Variants in SAMMSON observed in about 807,000 individuals in gnomAD.
SAMMSON encodes long intergenic non-protein coding RNA 1212.
intron 4 of SAMMSON, among the ~76,000 whole-genome samples, chr3:70,175,675 A>G (rs528609246): frequency 6.6e-6 from 1 of 152,280 alleles, no homozygotes; most frequent in East Asian, 1.9e-4. Context: ...CAGTTGCTCT[A>G]CAATCTCCTC....
At chr3:70,327,177 T>A (rs139253416) in intron 7 of SAMMSON, among the ~76,000 whole-genome samples, 2 of 152,292 alleles carry the variant, frequency 1.3e-5, no homozygotes, top group African/African-American at 4.8e-5. Flanking sequence ...TAATAATTAA[T>A]ACTAATATTC....
At chr3:70,335,697 T>C (rs73106671) in intron 7 of SAMMSON, among the ~76,000 whole-genome samples, 20,946 of 151,930 alleles carry the variant, frequency 0.14, 1,538 homozygotes, top group South Asian at 0.18. Context: ...CATATCATGC[T>C]TGCGAAGTAT....
intron 4 of SAMMSON, among the ~76,000 whole-genome samples, chr3:70,232,209 A>T (rs1438478579): frequency 6.6e-6 from 1 of 152,186 alleles, no homozygotes; most frequent in Non-Finnish European, 1.5e-5. Flanking sequence ...GAGGGTGTGC[A>T]CCATGTGAAA....
chr3:70,080,351 G>A (rs2067263548), intron 4 of SAMMSON, among the ~76,000 whole-genome samples: 1 of 152,174 alleles, frequency 6.6e-6, no homozygotes, highest in Non-Finnish European at 1.5e-5. Flanking sequence ...CTATTCGTCA[G>A]CAACCCAACC....
intron 4 of SAMMSON, among the ~76,000 whole-genome samples, chr3:70,119,282 C>G (rs1431846110): frequency 6.6e-6 from 1 of 151,980 alleles, no homozygotes; most frequent in Non-Finnish European, 1.5e-5. Flanking sequence ...AGCCAGGCTG[C>G]TCTCGAACTC....
chr3:70,137,649 G>A (rs2106678547), intron 4 of SAMMSON: 1 of 152,220 alleles, frequency 6.6e-6, no homozygotes, highest in African/African-American at 2.4e-5. Context: ...GAAATACAAT[G>A]CAAACCAGAA....
intron 2 of SAMMSON, among the ~76,000 whole-genome samples, chr3:70,433,208 G>T (rs1443422087): frequency 2.0e-5 from 3 of 152,084 alleles, no homozygotes; most frequent in Non-Finnish European, 2.9e-5. Flanking sequence ...TATAATAAGG[G>T]TATGTTTAGT....
intron 3 of SAMMSON, among the ~76,000 whole-genome samples, chr3:70,059,814 A>G (rs2067181120): frequency 1.3e-5 from 2 of 152,096 alleles, no homozygotes; most frequent in South Asian, 2.1e-4. Context: ...GGGACTTTCT[A>G]GCTGTTTTAG....
At chr3:70,304,671 T>A (rs1702383159) in intron 7 of SAMMSON, among the ~76,000 whole-genome samples, 1 of 152,240 alleles carries the variant, frequency 6.6e-6, no homozygotes, top group South Asian at 2.1e-4. Context: ...TTGTATCCTA[T>A]CCCAGTTACC....
chr3:70,066,054 A>T (rs1397762676), intron 3 of SAMMSON, among the ~76,000 whole-genome samples: 3 of 152,078 alleles, frequency 2.0e-5, no homozygotes, highest in Non-Finnish European at 2.9e-5. Flanking sequence ...CCCTTAAGGA[A>T]TTTATTTTAT....
rs542349174 is a variant in SAMMSON, at chr3:70,372,664, G to A, written n.913+14340G>A. On this transcript the variant is annotated intron_variant and non_coding_transcript_variant, in intron 9 of 9. Coordinates refer to ENST00000642114, the Ensembl canonical transcript of SAMMSON. ...CTAGATGCTGGTACTTTTTGCATACGTGTTCCAGAAATATTTTCTCTCATC... is the reference window on the plus strand; with the variant it reads ...CTAGATGCTGGTACTTTTTGCATACATGTTCCAGAAATATTTTCTCTCATC... Among the ~76,000 whole-genome samples, 11 of 152,188 alleles carry A rather than the reference G, an allele frequency of 7.2e-5. No homozygotes were observed. In the South Asian group the frequency reaches 1.7e-3, roughly 23 times the overall value.
chr3:70,287,501 A>G (rs1388295322), intron 6 of SAMMSON, among the ~76,000 whole-genome samples: 1 of 151,902 alleles, frequency 6.6e-6, no homozygotes, highest in African/African-American at 2.4e-5. Context: ...TTCATTAAGG[A>G]TATTGGTCTA....
intron 4 of SAMMSON, among the ~76,000 whole-genome samples, chr3:70,154,247 T>C (rs748991077): frequency 6.6e-6 from 1 of 152,096 alleles, no homozygotes; most frequent in Non-Finnish European, 1.5e-5. Context: ...TTCTATGTGC[T>C]AGACATAATT....
chr3:70,138,201 C>T (rs1216955779), intron 4 of SAMMSON, among the ~76,000 whole-genome samples: 3 of 152,142 alleles, frequency 2.0e-5, no homozygotes, highest in Non-Finnish European at 4.4e-5. Flanking sequence ...TTCATTGGCA[C>T]TTTAAAATCT....
chr3:70,424,418 C>A (rs1423219421), intron 2 of SAMMSON, among the ~76,000 whole-genome samples: 1 of 152,072 alleles, frequency 6.6e-6, no homozygotes, highest in African/African-American at 2.4e-5. Context: ...CTTTTAAACA[C>A]ATTTTTACAC....
At chr3:70,058,054 T>C (rs1408945266) in intron 3 of SAMMSON, among the ~76,000 whole-genome samples, 1 of 152,074 alleles carries the variant, frequency 6.6e-6, no homozygotes, top group African/African-American at 2.4e-5. Context: ...TCAAAATATC[T>C]CTTCATTTTT....
At chr3:70,259,591 C>G (rs957441320) in intron 6 of SAMMSON, among the ~76,000 whole-genome samples, 1 of 152,102 alleles carries the variant, frequency 6.6e-6, no homozygotes, top group African/African-American at 2.4e-5. Context: ...ATTTACTCCT[C>G]CAAATTCACT....
intron 9 of SAMMSON, among the ~76,000 whole-genome samples, chr3:70,388,721 T>A (rs1389540173): frequency 1.3e-5 from 2 of 152,106 alleles, no homozygotes; most frequent in African/African-American, 4.8e-5. Flanking sequence ...ATGCCTTTAG[T>A]TGGGGGACAG....
chr3:70,122,283 C>T (rs1303608903), intron 4 of SAMMSON, among the ~76,000 whole-genome samples: 1 of 152,172 alleles, frequency 6.6e-6, no homozygotes, highest in Non-Finnish European at 1.5e-5. Flanking sequence ...GCCTTTACCT[C>T]CTGGGCTCAA....
Sources: gnomAD v4.1 joint callset for allele counts (sites outside exome capture counted in the v4.1 genomes callset) on GRCh38, gnomAD v4.1.1 for gene constraint, MANE v1.5 for transcripts, NCBI Gene and HGNC (gene_info 2026-07-23, HGNC 2026-07-21) for gene names.